The following PRKCB variants were observed in gnomAD, a reference collection of about 807,000 sequenced individuals.
PRKCB encodes the protein protein kinase C beta, also known as protein kinase C beta type.
PRKCB carries 13 observed loss-of-function variants against 81.5 expected under a neutral mutation model. That is an observed-to-expected ratio of 0.16 (90% CI 0.10 to 0.25). The LOEUF is 0.25. Ranked by LOEUF, PRKCB falls within the 10% of genes least tolerant of loss-of-function variation. The pLI is 1.00. For synonymous variants in PRKCB, 335 were observed against 321.4 expected (o/e 1.04, Z -0.45); for missense variants, 509 against 875.7 (o/e 0.58, Z 5.29).
chr16:24,114,032 T>G lies in PRKCB; in HGVS notation c.918+963T>G, dbSNP rs182141492. 3.8e-3 allele frequency among the ~76,000 whole-genome samples: 573 copies of G among 151,490 alleles called. 1 individual carries two copies. The highest frequency in any genetic ancestry group is 6.0e-3 in the Non-Finnish European group (404 of 67,856). ...AGGAGTTGGACACCAGCCTGGCCAATATGGTTAAACCCAGTCTCTACTAAA... is the reference window on the plus strand; with the variant it reads ...AGGAGTTGGACACCAGCCTGGCCAAGATGGTTAAACCCAGTCTCTACTAAA... On this transcript the variant is annotated intron_variant, in intron 8 of 16. Transcript: ENST00000643927.
chr16:23,981,511 G>T (rs1964702128), intron 2 of PRKCB, among the ~76,000 whole-genome samples: 1 of 152,086 alleles, frequency 6.6e-6, no homozygotes, highest in African/African-American at 2.4e-5. Flanking sequence ...AGGGGGTCGG[G>T]GGTAGGGGAT....
chr16:24,203,455 A>T (rs550383166), intron 16 of PRKCB, among the ~76,000 whole-genome samples: 1 of 152,228 alleles, frequency 6.6e-6, no homozygotes, highest in Admixed American at 6.5e-5. Context: ...CAATAATAAC[A>T]TCAATCCAGT....
chr16:24,005,519 G>A (rs898492298), intron 3 of PRKCB, among the ~76,000 whole-genome samples: 16 of 152,228 alleles, frequency 1.1e-4, no homozygotes, highest in African/African-American at 3.6e-4. Context: ...TGGCGGTTCC[G>A]GCGTAATCGG....
intron 7 of PRKCB, among the ~76,000 whole-genome samples, chr16:24,108,890 G>T (rs1966618943): frequency 6.6e-6 from 1 of 151,530 alleles, no homozygotes. Flanking sequence ...ACGGGGTGGT[G>T]GCCGGGCAGA....
chr16:23,887,946 G>A (rs1963230351), intron 2 of PRKCB, among the ~76,000 whole-genome samples: 1 of 152,134 alleles, frequency 6.6e-6, no homozygotes, highest in African/African-American at 2.4e-5. Context: ...GCAGCTGTAT[G>A]GTCCTGGCCT....
chr16:23,904,903 A>G (rs1447489765), intron 2 of PRKCB, among the ~76,000 whole-genome samples: 2 of 152,152 alleles, frequency 1.3e-5, no homozygotes, highest in Non-Finnish European at 2.9e-5. Context: ...CCTTAAAACC[A>G]GGCTTTTTAA....
intron 11 of PRKCB, among the ~76,000 whole-genome samples, chr16:24,173,398 T>C (rs1596581908): frequency 6.6e-6 from 1 of 152,166 alleles, no homozygotes; most frequent in Non-Finnish European, 1.5e-5. Flanking sequence ...CCAGAGCTCA[T>C]CTAGAACCCC....
intron 3 of PRKCB, among the ~76,000 whole-genome samples, chr16:23,990,609 A>G (rs991512245): frequency 1.4e-5 from 2 of 148,062 alleles, no homozygotes; most frequent in Non-Finnish European, 3.0e-5. Context: ...TGGTGGCATG[A>G]TCATGTCTCA....
intron 5 of PRKCB, among the ~76,000 whole-genome samples, chr16:24,077,302 G>A (rs1207214425): frequency 2.0e-5 from 3 of 152,026 alleles, no homozygotes; most frequent in Admixed American, 6.6e-5. Flanking sequence ...ATAAGAAAAT[G>A]GAAAGGATGC....
intron 2 of PRKCB, among the ~76,000 whole-genome samples, chr16:23,932,025 A>G (rs989811495): frequency 6.6e-6 from 1 of 152,240 alleles, no homozygotes; most frequent in Non-Finnish European, 1.5e-5. Flanking sequence ...AATGCTATCT[A>G]TGCAATATTA....
intron 2 of PRKCB, chr16:23,869,015 C>T (rs977489522): frequency 2.4e-6 from 1 of 419,378 alleles, no homozygotes; most frequent in Admixed American, 2.5e-5. Context: ...CCCAGGGTCC[C>T]TGTGGTGGAT....
chr16:24,020,446 C>T (rs1030467795), intron 3 of PRKCB, among the ~76,000 whole-genome samples: 4 of 152,098 alleles, frequency 2.6e-5, no homozygotes, highest in Non-Finnish European at 5.9e-5. Context: ...TGCAGGCATG[C>T]GAAGTTATGA....
chr16:24,133,043 AT>A (rs1365954421), intron 9 of PRKCB, among the ~76,000 whole-genome samples: 3 of 151,976 alleles, frequency 2.0e-5, no homozygotes, highest in African/African-American at 4.8e-5. Flanking sequence ...GAGGTTAGTC[AT>A]TTTTCCCTCT....
intron 5 of PRKCB, among the ~76,000 whole-genome samples, chr16:24,044,632 T>C (rs1301896423): frequency 6.6e-6 from 1 of 152,250 alleles, no homozygotes; most frequent in Admixed American, 6.5e-5. Flanking sequence ...CTGCTGCCTG[T>C]TTTTATAAAT....
At chr16:23,910,039 AGAGC>A (rs1302959337) in intron 2 of PRKCB, among the ~76,000 whole-genome samples, 1 of 152,182 alleles carries the variant, frequency 6.6e-6, no homozygotes, top group Admixed American at 6.5e-5. Context: ...GCCATGGGGA[AGAGC>A]ATTGTCGTGA....
chr16:24,011,021 C>T (rs577139415), intron 3 of PRKCB, among the ~76,000 whole-genome samples: 11 of 152,252 alleles, frequency 7.2e-5, no homozygotes, highest in South Asian at 6.2e-4. Context: ...TGTGCCGCTA[C>T]GCCTGGTTGA....
intron 12 of PRKCB, among the ~76,000 whole-genome samples, chr16:24,180,101 C>T (rs577994617): frequency 1.1e-4 from 17 of 152,250 alleles, no homozygotes; most frequent in Non-Finnish European, 1.6e-4. Flanking sequence ...CCCACGACCA[C>T]GCCCAGCTAA....
At chr16:23,927,097 G>A (rs1001662097) in intron 2 of PRKCB, among the ~76,000 whole-genome samples, 3 of 152,108 alleles carry the variant, frequency 2.0e-5, no homozygotes, top group Admixed American at 6.5e-5. Context: ...GTGCCTGTAC[G>A]GTGAGATATG....
rs139785583 is a variant in PRKCB, at chr16:24,194,646, G to C, written c.1863+3416G>C. Among the ~76,000 whole-genome samples, 738 of 151,792 alleles carry C rather than the reference G, an allele frequency of 4.9e-3. 7 individuals carry two copies. Among genetic ancestry groups the C allele is most frequent in the African/African-American group, 0.017 (689 of 41,098 alleles). On this transcript the variant is annotated intron_variant, in intron 16 of 16. Transcript: ENST00000643927. ...TAGCCTCGTGCCTGGCTCATAGAAA[G>C]CACTCAGGAAAAGGTAGCTGTTATT...
Sources: gnomAD v4.1 joint callset for allele counts (sites outside exome capture counted in the v4.1 genomes callset) on GRCh38, gnomAD v4.1.1 for gene constraint, MANE v1.5 for transcripts, NCBI Gene and HGNC (gene_info 2026-07-23, HGNC 2026-07-21) for gene names.